Variants in POLR3B observed in about 807,000 individuals in gnomAD.
The protein encoded by POLR3B is DNA-directed RNA polymerase III subunit RPC2.
Under a neutral mutation model 147.4 loss-of-function variants are expected in POLR3B, and 96 were observed. The ratio of observed to expected loss-of-function variants is 0.65; its 90% CI spans 0.55 to 0.77. POLR3B has a LOEUF of 0.77. Ranked by LOEUF, POLR3B falls within the 30% of genes least tolerant of loss-of-function variation. The probability of loss-of-function intolerance (pLI) is 0.00; values close to 1 mark genes in which losing one functional copy is unlikely to be tolerated. For synonymous variants in POLR3B, 461 were observed against 485.9 expected (o/e 0.95, Z 0.67); for missense variants, 1,036 against 1,413.5 (o/e 0.73, Z 4.28).
intron 19 of POLR3B, chr12:106,446,326 A>G (rs1009541038): frequency 6.6e-6 from 3 of 453,416 alleles, no homozygotes; most frequent in Non-Finnish European, 1.3e-5. Flanking sequence ...CAGAGCTGCA[A>G]CTATCTCTAT....
chr12:106,468,887 C>T (rs886794091), intron 23 of POLR3B, among the ~76,000 whole-genome samples: 3 of 152,096 alleles, frequency 2.0e-5, no homozygotes, highest in Admixed American at 6.6e-5. Context: ...AGAATAAGTG[C>T]GATGTGGTGC....
At chr12:106,469,395 CTT>C (rs1175933288) in intron 23 of POLR3B, among the ~76,000 whole-genome samples, 4 of 151,520 alleles carry the variant, frequency 2.6e-5, no homozygotes, top group Non-Finnish European at 4.4e-5. Flanking sequence ...GGTCTTGACT[CTT>C]TATCCAATTT....
intron 6 of POLR3B, 99 bp downstream of exon 6, chr12:106,369,782 T>C (rs1565874472): frequency 2.6e-6 from 2 of 777,606 alleles, no homozygotes; most frequent in East Asian, 5.0e-5. Context: ...ATGCTGCCTA[T>C]TTCATAGGTC....
chr12:106,392,359 C>A (rs994836984), intron 9 of POLR3B, among the ~76,000 whole-genome samples: 1 of 152,066 alleles, frequency 6.6e-6, no homozygotes, highest in South Asian at 2.1e-4. Flanking sequence ...GATGAGGTTT[C>A]GCCACGTTGG....
chr12:106,438,740 T>C (rs1034783148), intron 18 of POLR3B, among the ~76,000 whole-genome samples: 1 of 152,216 alleles, frequency 6.6e-6, no homozygotes, highest in African/African-American at 2.4e-5. Flanking sequence ...TGAATCAAGC[T>C]GTATAAAAAT....
intron 25 of POLR3B, among the ~76,000 whole-genome samples, chr12:106,499,205 T>A (rs1475842749): frequency 1.3e-5 from 2 of 152,232 alleles, no homozygotes; most frequent in Non-Finnish European, 1.5e-5. Context: ...TAACCTTCTC[T>A]TCACTTCTCC....
chr12:106,410,326 C>A (rs2037208204), intron 11 of POLR3B: 1 of 157,706 alleles, frequency 6.3e-6, no homozygotes, highest in Non-Finnish European at 1.4e-5. Context: ...ATCTCTGGCC[C>A]CTCCTTGATT....
chr12:106,452,871 T>C (rs1162205353), intron 19 of POLR3B, among the ~76,000 whole-genome samples: 2 of 152,212 alleles, frequency 1.3e-5, no homozygotes, highest in Admixed American at 6.5e-5. Flanking sequence ...AAAAGTATAA[T>C]AGAATTCTTC....
At chr12:106,448,432 T>C (rs1290470167) in intron 19 of POLR3B, among the ~76,000 whole-genome samples, 1 of 118,708 alleles carries the variant, frequency 8.4e-6, no homozygotes, top group Non-Finnish European at 1.7e-5. Flanking sequence ...TATTTCTTTT[T>C]TTTTTTTTTT....
intron 9 of POLR3B, among the ~76,000 whole-genome samples, chr12:106,384,991 A>G (rs925011767): frequency 1.3e-5 from 2 of 151,930 alleles, no homozygotes; most frequent in Non-Finnish European, 2.9e-5. Flanking sequence ...ACGCCCAGCT[A>G]ATTTTTGTAT....
chr12:106,470,555 C>T (rs1295734264), intron 23 of POLR3B, among the ~76,000 whole-genome samples: 2 of 152,104 alleles, frequency 1.3e-5, no homozygotes, highest in Non-Finnish European at 2.9e-5. Flanking sequence ...GAATTTTCAG[C>T]CTTTCTGCTC....
Position 106,509,761 on chromosome 12 carries a change from A to G in POLR3B, c.*212A>G, listed in dbSNP as rs2038746563. 1 of 489,684 alleles carries G rather than the reference A, an allele frequency of 2.0e-6. No homozygotes were observed. The allele number at this position is 489,684 out of a possible 1,614,324, so 30.3% of individuals were successfully genotyped here. A position where few individuals can be genotyped will look rare whatever the true frequency, so the allele number is the denominator to read the frequency against. ...GCCTCGAGCCATGGGAGAGATGCTGACCATGTGGACTGCAAGGCTGCTTGA... is the reference window on the plus strand; with the variant it reads ...GCCTCGAGCCATGGGAGAGATGCTGGCCATGTGGACTGCAAGGCTGCTTGA... On this transcript the variant is annotated 3_prime_UTR_variant, in exon 28 of 28. Transcript: ENST00000228347.
intron 9 of POLR3B, among the ~76,000 whole-genome samples, chr12:106,391,735 A>G (rs569084153): frequency 1.4e-4 from 22 of 152,206 alleles, no homozygotes; most frequent in African/African-American, 5.1e-4. Flanking sequence ...ATTAGCACAA[A>G]CACCTCAGAT....
Position 106,437,086 on chromosome 12 carries a change from C to T in POLR3B, c.1811C>T (p.Pro604Leu). Residue 604 changes from proline (P) to leucine (L), a missense_variant, in exon 17 of 28, where the codon CCA becomes CTA. By Grantham distance (98) the Pro-to-Leu change is moderately conservative. This residue lies in a region of POLR3B where 177 missense variants were observed against 232.7 expected (regional missense o/e 0.76). Transcript: ENST00000228347. ...TACATAATTGTCAAGAAACAGAAGC[C>T]AGCAGTCACAAATAAACATATGGAA... ...RPYIIVKKQK[P>L]AVTNKHMEEL... is the part of the protein sequence containing the mutation. The T allele has an allele frequency of 6.2e-7, 1 of 1,613,422 alleles. No homozygotes were observed. Among genetic ancestry groups the T allele is most frequent in the South Asian group, 1.1e-5 (1 of 90,994 alleles).
chr12:106,496,564 A>G, intron 24 of POLR3B, 188 bp from the exon 25 acceptor site: 1 of 630,420 alleles, frequency 1.6e-6, no homozygotes, highest in Non-Finnish European at 2.8e-6. Flanking sequence ...ATGAAGAAAT[A>G]TAGGACCTAT....
chr12:106,437,474 A>G (rs2037592740), intron 17 of POLR3B, among the ~76,000 whole-genome samples: 1 of 152,170 alleles, frequency 6.6e-6, no homozygotes, highest in African/African-American at 2.4e-5. Context: ...CAAGAGTTAC[A>G]GACAGACACT....
chr12:106,418,366 A>T (rs2037333364), intron 12 of POLR3B, among the ~76,000 whole-genome samples: 1 of 152,198 alleles, frequency 6.6e-6, no homozygotes, highest in African/African-American at 2.4e-5. Flanking sequence ...CCTATGACAA[A>T]AGAATGCCGT....
chr12:106,421,460 A>C (rs2037373070), intron 12 of POLR3B, among the ~76,000 whole-genome samples: 1 of 152,168 alleles, frequency 6.6e-6, no homozygotes, highest in South Asian at 2.1e-4. Flanking sequence ...TTTTTGTCTA[A>C]TAGATGCAAA....
intron 12 of POLR3B, among the ~76,000 whole-genome samples, chr12:106,424,833 A>G (rs748728730): frequency 1.3e-5 from 2 of 152,174 alleles, no homozygotes; most frequent in African/African-American, 4.8e-5. Flanking sequence ...TTGTAGGTCA[A>G]TTTGGGGAGA....
Sources: allele counts gnomAD v4.1 joint callset (sites outside exome capture counted in the v4.1 genomes callset), GRCh38; gene constraint gnomAD v4.1.1; regional missense constraint gnomAD v4.1.1; transcripts MANE v1.5; gene names NCBI Gene and HGNC (gene_info 2026-07-23, HGNC 2026-07-21).